The following CELF2 variants were observed in gnomAD, a reference collection of about 807,000 sequenced individuals.
CELF2 encodes the protein CUG triplet repeat RNA-binding protein 2.
CELF2 carries 8 observed loss-of-function variants against 62.6 expected under a neutral mutation model. The observed-to-expected ratio is 0.13, with a 90% CI of 0.07 to 0.23. The LOEUF (loss-of-function observed/expected upper bound fraction) is 0.23. Ranked by LOEUF, CELF2 falls within the 10% of genes least tolerant of loss-of-function variation. The pLI is 1.00. For synonymous variants in CELF2, 258 were observed against 250.0 expected (o/e 1.03, Z -0.30); for missense variants, 333 against 671.0 (o/e 0.50, Z 5.56).
At chr10:10,579,349 T>C in the CELF2 span, among the ~76,000 whole-genome samples, 2 of 152,184 alleles carry the variant, frequency 1.3e-5, no homozygotes, top group Admixed American at 6.5e-5. Context: ...ATGGTCTTCA[T>C]GGTACTCATT....
At chr10:10,602,897 C>A in the CELF2 span, among the ~76,000 whole-genome samples, 3 of 152,048 alleles carry the variant, frequency 2.0e-5, no homozygotes, top group African/African-American at 7.2e-5. Flanking sequence ...TTCACATATA[C>A]CTTTGTCTGT....
chr10:11,197,180 T>C (rs1446630285), intron 2 of CELF2, among the ~76,000 whole-genome samples: 2 of 151,922 alleles, frequency 1.3e-5, no homozygotes, highest in East Asian at 3.9e-4. Context: ...TTTTCTTCAT[T>C]TTACACGGAA....
At chr10:10,768,636 C>G in the CELF2 span, among the ~76,000 whole-genome samples, 1 of 150,332 alleles carries the variant, frequency 6.7e-6, no homozygotes, top group Non-Finnish European at 1.5e-5. Context: ...TGCAGTGACA[C>G]GATCTCAGCT....
At position 11,328,807 on chromosome 10, in the gene CELF2, G is replaced by A; in HGVS notation, c.1439-119G>A. Reference sequence around the variant, plus strand: ...ACGATCAGTTCCGCAGAGCTGTGCTGGGCCCGTGGGGCTGGCACCTCATGC... The same window carrying A: ...ACGATCAGTTCCGCAGAGCTGTGCTAGGCCCGTGGGGCTGGCACCTCATGC... On this transcript the variant is annotated intron_variant, in intron 12 of 12. Coordinates refer to ENST00000633077, the MANE Select transcript of CELF2 (RefSeq NM_001326342.2). The surrounding 1 kb of genome is among the most constrained non-coding windows in gnomAD (Gnocchi z 6.4). The A allele has an allele frequency of 8.6e-7, 1 of 1,158,760 alleles. No individual in the cohort carries two copies. Among genetic ancestry groups the A allele is most frequent in the Non-Finnish European group, 1.2e-6 (1 of 823,150 alleles). The allele number at this position is 1,158,760 out of a possible 1,614,324, so 71.8% of individuals were successfully genotyped here.
intron 1 of CELF2, among the ~76,000 whole-genome samples, chr10:11,147,700 T>G (rs2062540559): frequency 1.3e-5 from 2 of 152,252 alleles, no homozygotes; most frequent in African/African-American, 2.4e-5. Flanking sequence ...TAATGCAGAA[T>G]TTAAGTTACA....
intron 1 of CELF2, among the ~76,000 whole-genome samples, chr10:11,149,813 G>A (rs2062985205): frequency 1.3e-5 from 2 of 152,122 alleles, no homozygotes; most frequent in African/African-American, 4.8e-5. Flanking sequence ...CCCATAATTA[G>A]GAAGTTACCT....
intron 1 of CELF2, among the ~76,000 whole-genome samples, chr10:10,862,267 T>C (rs975785005): frequency 6.6e-6 from 1 of 152,166 alleles, no homozygotes; most frequent in African/African-American, 2.4e-5. Context: ...AGGCATTCAA[T>C]AAGAACGTGG....
chr10:11,005,321 C>T lies in CELF2; in HGVS notation c.-67C>T. 6 of 1,577,204 alleles carry T rather than the reference C, an allele frequency of 3.8e-6. No homozygotes were observed. The highest frequency in any genetic ancestry group is 1.2e-5 in the South Asian group (1 of 86,622). The stretch of plus-strand genomic sequence containing the variant: ...GAGGAGAGGGCGCGTTAGTGAGCAG[C>T]GACTGTGGCATTGATGTTTGAGCAT... On this transcript the variant is annotated 5_prime_UTR_variant, in exon 1 of 13. Coordinates refer to the CELF2 transcript ENST00000416382. The surrounding 1 kb of genome is among the most constrained non-coding windows in gnomAD (Gnocchi z 4.3).
chr10:10,600,411 T>G, the CELF2 span, among the ~76,000 whole-genome samples: 2 of 152,222 alleles, frequency 1.3e-5, no homozygotes, highest in African/African-American at 4.8e-5. Flanking sequence ...TTCTTTTGAT[T>G]GGAAGGACTA....
rs1404850186 is a variant in CELF2 at position 11,328,030 on chromosome 10, T to G, written c.1439-896T>G. Among the ~76,000 whole-genome samples, 1 of 152,220 alleles carries G rather than the reference T, an allele frequency of 6.6e-6. No individual in the cohort carries two copies. The highest frequency in any genetic ancestry group is 1.5e-5 in the Non-Finnish European group (1 of 68,042). On this transcript the variant is annotated intron_variant, in intron 12 of 12. Transcript: ENST00000633077. The surrounding 1 kb of genome is among the most constrained non-coding windows in gnomAD (Gnocchi z 6.4). Reference sequence around the variant, plus strand: ...TGCCTCCCCCAGTGCTGGAACAGACTCTGGGACCAAGATCCTCTTGTCACT... The same window carrying G: ...TGCCTCCCCCAGTGCTGGAACAGACGCTGGGACCAAGATCCTCTTGTCACT...
intron 1 of CELF2, among the ~76,000 whole-genome samples, chr10:10,857,546 T>C (rs2059787967): frequency 6.6e-6 from 1 of 150,848 alleles, no homozygotes; most frequent in African/African-American, 2.4e-5. Context: ...AAATGTCAAA[T>C]ACTCAGTCAA....
At chr10:10,525,825 C>T in the CELF2 span, among the ~76,000 whole-genome samples, 1 of 152,196 alleles carries the variant, frequency 6.6e-6, no homozygotes, top group Non-Finnish European at 1.5e-5. Context: ...ATTGCATTTT[C>T]TTTGGATATA....
At chr10:10,955,066 A>G (rs181401400) in intron 2 of CELF2, among the ~76,000 whole-genome samples, 105 of 152,338 alleles carry the variant, frequency 6.9e-4, no homozygotes, top group African/African-American at 2.4e-3. Context: ...TGTATTTTTT[A>G]AAGTATAATT....
intron 2 of CELF2, among the ~76,000 whole-genome samples, chr10:11,184,624 C>G (rs930762947): frequency 2.6e-5 from 4 of 152,180 alleles, no homozygotes; most frequent in African/African-American, 9.7e-5. Context: ...TATCCCTAGT[C>G]AGATTTATCC....
intron 9 of CELF2, among the ~76,000 whole-genome samples, chr10:11,313,575 C>T (rs1455370867): frequency 1.3e-5 from 2 of 152,120 alleles, no homozygotes; most frequent in Non-Finnish European, 2.9e-5. Context: ...CAGAATCTTC[C>T]CATGAAGAAA....
At chr10:11,006,700 A>G (rs2055339021) in intron 1 of CELF2, among the ~76,000 whole-genome samples, 1 of 152,238 alleles carries the variant, frequency 6.6e-6, no homozygotes, top group Non-Finnish European at 1.5e-5. Flanking sequence ...TTCAAGGACA[A>G]GTGAGAACTT....
chr10:10,889,036 AC>A (rs2061957172), intron 1 of CELF2, among the ~76,000 whole-genome samples: 2 of 152,182 alleles, frequency 1.3e-5, no homozygotes, highest in Non-Finnish European at 2.9e-5. Flanking sequence ...CCAAAGGCAC[AC>A]CCCATCACCC....
rs140826520 is a variant in CELF2 at position 10,988,467 on chromosome 10, G to A, written c.89+68468G>A. On this transcript the variant is annotated intron_variant, in intron 2 of 13. Transcript: ENST00000636488. ...CTTATAAGTGGGAGCTAAGCCATGA[G>A]GATACAAAGGCATAAGAATGATATA... Among the ~76,000 whole-genome samples the A allele has an allele frequency of 9.3e-4, 142 of 152,174 alleles. 1 individual carries two copies. Among genetic ancestry groups the A allele is most frequent in the Admixed American group, 2.7e-3 (41 of 15,264 alleles).
chr10:11,003,773 T>C (rs2054760938), upstream of CELF2, among the ~76,000 whole-genome samples: 1 of 152,124 alleles, frequency 6.6e-6, no homozygotes, highest in African/African-American at 2.4e-5. This position sits in a 1 kb window ranked among gnomAD's most constrained non-coding sequence, Gnocchi z 4.4. Flanking sequence ...TATGATATCA[T>C]TCGCTGGCAA....
Sources: gnomAD v4.1 joint callset for allele counts (sites outside exome capture counted in the v4.1 genomes callset) on GRCh38, gnomAD v4.1.1 for gene constraint, Gnocchi (gnomAD v3.1) non-coding constraint, MANE v1.5 for transcripts, NCBI Gene and HGNC (gene_info 2026-07-23, HGNC 2026-07-21) for gene names.